Variants in COX7B2 observed in about 807,000 individuals in gnomAD.
COX7B2 encodes cytochrome c oxidase subunit 7B2.
For synonymous variants in COX7B2, 37 were observed against 32.1 expected (o/e 1.15, Z -0.51); for missense variants, 109 against 95.9 (o/e 1.14, Z -0.57).
chr4:46,849,033 A>G (rs1716484707), intron 1 of COX7B2, among the ~76,000 whole-genome samples: 1 of 152,090 alleles, frequency 6.6e-6, no homozygotes, highest in African/African-American at 2.4e-5. Context: ...GACAAGAAAA[A>G]AAGTCTGTAC....
intron 2 of COX7B2, among the ~76,000 whole-genome samples, chr4:46,805,333 G>A (rs775330470): frequency 1.3e-5 from 2 of 152,248 alleles, no homozygotes; most frequent in African/African-American, 4.8e-5. Context: ...TGTGAGGGCT[G>A]CCAGCACGCT....
At chr4:46,740,578 T>G (rs1039918785) in intron 2 of COX7B2, among the ~76,000 whole-genome samples, 1 of 152,048 alleles carries the variant, frequency 6.6e-6, no homozygotes, top group Non-Finnish European at 1.5e-5. Flanking sequence ...AAACTATTGA[T>G]TGGTGTAATC....
chr4:46,886,968 A>C (rs1270342899), intron 1 of COX7B2, among the ~76,000 whole-genome samples: 1 of 152,244 alleles, frequency 6.6e-6, no homozygotes, highest in Non-Finnish European at 1.5e-5. Flanking sequence ...GACATATTTT[A>C]AACTCGACAC....
In COX7B2 at chr4:46,734,925, G is replaced by A. The variant is rs1205492995; in HGVS notation, c.*22C>T. On this transcript the variant is annotated 3_prime_UTR_variant, in exon 3 of 3. Transcript: ENST00000355591. ...ACAAGTTGGTTTTTTAAACAATTCT[G>A]TCATTACAGCAACTGTGATGGTTAC... The A allele has an allele frequency of 1.2e-6, 2 of 1,613,702 alleles. No individual in the cohort carries two copies. Among genetic ancestry groups the A allele is most frequent in the Non-Finnish European group, 1.7e-6 (2 of 1,179,756 alleles).
In COX7B2 at chr4:46,735,160, G is replaced by A. The variant is rs1714287852; in HGVS notation, c.33C>T (p.Ser11=). ...GCAGAATGCTTTGAATCTTGAGACT[G>A]CTTAGTGCATTTCTGGCCAAGGGAA... The part of the protein sequence containing the change: MMFPLARNAL[S]SLKIQSILQS... Residue 11 remains serine (S), a synonymous_variant, in exon 3 of 3, where the codon AGC becomes AGT. Transcript: ENST00000355591. The A allele has an allele frequency of 6.2e-7, 1 of 1,613,264 alleles. No homozygotes were observed. Among genetic ancestry groups the A allele is most frequent in the Non-Finnish European group, 8.5e-7 (1 of 1,179,788 alleles).
chr4:46,843,094 C>A (rs1365994007), intron 2 of COX7B2, among the ~76,000 whole-genome samples: 1 of 152,030 alleles, frequency 6.6e-6, no homozygotes, highest in Non-Finnish European at 1.5e-5. Context: ...GATCACCATT[C>A]TAACTGGTGT....
chr4:46,901,907 C>T (rs887304064), intron 1 of COX7B2, among the ~76,000 whole-genome samples: 1 of 152,230 alleles, frequency 6.6e-6, no homozygotes, highest in African/African-American at 2.4e-5. Flanking sequence ...CTGGTTCTTA[C>T]ATTTAAGGAG....
At chr4:46,802,013 T>C (rs1718683742) in intron 2 of COX7B2, among the ~76,000 whole-genome samples, 1 of 152,138 alleles carries the variant, frequency 6.6e-6, no homozygotes, top group East Asian at 1.9e-4. Context: ...GAGTAGACTA[T>C]ATGTCAACAG....
chr4:46,744,273 A>G (rs1560346974), intron 2 of COX7B2, among the ~76,000 whole-genome samples: 1 of 151,960 alleles, frequency 6.6e-6, no homozygotes, highest in African/African-American at 2.4e-5. Flanking sequence ...CAGTCCCCTC[A>G]TTCATCATGA....
rs769577491 is a variant in COX7B2, at chr4:46,844,985, C to A, written c.-75G>T. ...CTGTTAGAAATCTGAAGCTCAAATGCTCTCCTCAGAAAGTTTCAGATTCTG... is the reference window on the plus strand; with the variant it reads ...CTGTTAGAAATCTGAAGCTCAAATGATCTCCTCAGAAAGTTTCAGATTCTG... On this transcript the variant is annotated 5_prime_UTR_variant, in exon 2 of 3. Transcript: ENST00000355591. 6.6e-6 allele frequency: 1 copy of A among 151,904 alleles called. No individual in the cohort carries two copies. The highest frequency in any genetic ancestry group is 1.5e-5 in the Non-Finnish European group (1 of 67,922). 9.4% of individuals were successfully genotyped at this position (151,904 alleles called of 1,614,324 possible). A position where few individuals can be genotyped will look rare whatever the true frequency, so the allele number is the denominator to read the frequency against.
chr4:46,903,076 A>T (rs955099707), intron 1 of COX7B2, among the ~76,000 whole-genome samples: 1 of 152,178 alleles, frequency 6.6e-6, no homozygotes, highest in Non-Finnish European at 1.5e-5. Context: ...AGATAGGCCA[A>T]ATTTGAAAAT....
chr4:46,825,778 G>T (rs923262100), intron 2 of COX7B2, among the ~76,000 whole-genome samples: 1 of 152,064 alleles, frequency 6.6e-6, no homozygotes, highest in Non-Finnish European at 1.5e-5. Context: ...CAAGCAATGG[G>T]GAAAGACTCC....
chr4:46,817,767 C>A (rs1294880416), intron 2 of COX7B2, among the ~76,000 whole-genome samples: 2 of 152,240 alleles, frequency 1.3e-5, no homozygotes, highest in Non-Finnish European at 1.5e-5. Flanking sequence ...ACCGGGACAG[C>A]TGAAAGAAGG....
At chr4:46,840,788 G>T (rs1224094115) in intron 2 of COX7B2, among the ~76,000 whole-genome samples, 1 of 151,968 alleles carries the variant, frequency 6.6e-6, no homozygotes, top group Non-Finnish European at 1.5e-5. Flanking sequence ...TGGACATAAG[G>T]CCTTTAGTGG....
At position 46,788,438 on chromosome 4, in the gene COX7B2, C is replaced by A. The variant is rs371902930; in HGVS notation, c.-49-53197G>T. Reference sequence around the variant, plus strand: ...TTGTTAAACATATGATATTTTTTAACAGCTAGGGGTCATTTCTCAGTTAAA... The same window carrying A: ...TTGTTAAACATATGATATTTTTTAAAAGCTAGGGGTCATTTCTCAGTTAAA... On this transcript the variant is annotated intron_variant, in intron 2 of 2. Coordinates refer to ENST00000355591, the MANE Select transcript of COX7B2 (RefSeq NM_130902.3). Among the ~76,000 whole-genome samples, 6 of 152,052 alleles carry A rather than the reference C, an allele frequency of 3.9e-5. No homozygotes were observed. In the East Asian group the frequency reaches 7.8e-4, roughly 20 times the overall value.
intron 2 of COX7B2, among the ~76,000 whole-genome samples, chr4:46,750,693 A>T (rs1715318616): frequency 6.7e-6 from 1 of 149,164 alleles, no homozygotes; most frequent in Admixed American, 6.6e-5. Flanking sequence ...TTAAACAACA[A>T]AAATACATTT....
At chr4:46,737,843 A>AC (rs1422595131) in intron 2 of COX7B2, among the ~76,000 whole-genome samples, 2 of 152,116 alleles carry the variant, frequency 1.3e-5, no homozygotes, top group African/African-American at 2.4e-5. Flanking sequence ...AGCTCAGAAG[A>AC]CTTTATTCCA....
intron 1 of COX7B2, among the ~76,000 whole-genome samples, chr4:46,892,483 G>A (rs1719486204): frequency 6.6e-6 from 1 of 152,106 alleles, no homozygotes; most frequent in Non-Finnish European, 1.5e-5. Flanking sequence ...TGTATTCTTT[G>A]CATATGAGTT....
intron 2 of COX7B2, among the ~76,000 whole-genome samples, chr4:46,782,981 A>C (rs1014808934): frequency 6.6e-6 from 1 of 152,222 alleles, no homozygotes; most frequent in South Asian, 2.1e-4. Flanking sequence ...AATTCCGGAC[A>C]TAATACTATA....
Sources: allele counts gnomAD v4.1 joint callset (sites outside exome capture counted in the v4.1 genomes callset), GRCh38; gene constraint gnomAD v4.1.1; transcripts MANE v1.5; gene names NCBI Gene and HGNC (gene_info 2026-07-23, HGNC 2026-07-21).